Variants in HSPH1 observed in about 807,000 individuals in gnomAD.
The protein encoded by HSPH1 is heat shock protein family H (Hsp110) member 1.
Under a neutral mutation model 100.0 loss-of-function variants are expected in HSPH1, and 40 were observed. That is an observed-to-expected ratio of 0.40 (90% CI 0.31 to 0.52). The LOEUF is 0.52. HSPH1 is among the 20% of genes least tolerant of loss of function. The pLI is 0.54. For missense variants in HSPH1, 876 were observed against 1,015.1 expected, an observed-to-expected ratio of 0.86 and a Z score of 1.86; for synonymous variants, 403 against 344.0, an observed-to-expected ratio of 1.17 and a Z score of -1.90.
At chr13:31,141,989 T>A (rs892183388) in intron 12 of HSPH1, among the ~76,000 whole-genome samples, 2 of 152,082 alleles carry the variant, frequency 1.3e-5, no homozygotes, top group Non-Finnish European at 2.9e-5. Flanking sequence ...GAAGTAAGTA[T>A]CTCCTGTGGC....
In HSPH1 at chr13:31,138,482, G is replaced by A; in HGVS notation, c.2295C>T (p.Val765=). The stretch of plus-strand genomic sequence containing the variant: ...GACTCTTTTTAGCCTGAGCATTCAT[G>A]ACATTATTCATCCATTCCATCACTT... The part of the protein sequence containing the change: ...VNEVMEWMNN[V]MNAQAKKSLD... The change falls in exon 17 of 18, where the codon GTC becomes GTT. Residue 765 remains valine (V), a synonymous_variant. Coordinates refer to ENST00000320027, the MANE Select transcript of HSPH1 (RefSeq NM_006644.4). 1.2e-6 allele frequency: 2 copies of A among 1,613,080 alleles called. No individual in the cohort carries two copies. The highest frequency in any genetic ancestry group is 8.5e-7 in the Non-Finnish European group (1 of 1,179,202).
At chr13:31,162,327 G>T (rs1283776973), upstream of HSPH1, 2 of 581,026 alleles carry the variant, frequency 3.4e-6, no homozygotes, top group Admixed American at 6.0e-5. Context: ...CCGGGATGGT[G>T]GGGAGGCCGG....
At chr13:31,162,080 G>C, upstream of HSPH1, 1 of 1,536,138 alleles carries the variant, frequency 6.5e-7, no homozygotes. Context: ...CCCGGAGAAC[G>C]GCCGCCGTTG....
intron 4 of HSPH1, among the ~76,000 whole-genome samples, chr13:31,153,450 A>G (rs980284821): frequency 1.3e-5 from 2 of 152,204 alleles, no homozygotes; most frequent in Admixed American, 6.5e-5. Context: ...GTGCTCTTTA[A>G]TTCAGTCAAC....
chr13:31,151,671 C>G lies in HSPH1; in HGVS notation c.601G>C (p.Val201Leu). 4.3e-6 allele frequency: 7 copies of G among 1,613,098 alleles called. No individual in the cohort carries two copies. Among genetic ancestry groups the G allele is most frequent in the Non-Finnish European group, 5.9e-6 (7 of 1,179,500 alleles). ...TGAAAAGCTGAATGTCCCATATCAA[C>G]AAAAACCACTATCCGAGGTTTCTCA... is the stretch of plus-strand genomic sequence containing the variant. ...LDEKPRIVVF[V>L]DMGHSAFQVS... Residue 201 changes from valine to leucine, a missense_variant, in exon 6 of 18, where the codon GTT (valine) becomes CTT (leucine). Coordinates refer to ENST00000320027, the MANE Select transcript of HSPH1 (RefSeq NM_006644.4).
At chr13:31,140,047 T>G in intron 14 of HSPH1, 137 bp downstream of exon 14, 1 of 818,342 alleles carries the variant, frequency 1.2e-6, no homozygotes, top group Non-Finnish European at 1.9e-6. Context: ...CAACAAGCCT[T>G]TCTCCATAAC....
rs1219490859 is a variant in HSPH1, at chr13:31,150,080, T to C, written c.1011A>G (p.Ala337=). The C allele has an allele frequency of 6.2e-7, 1 of 1,613,810 alleles. No individual in the cohort carries two copies. Among genetic ancestry groups the C allele is most frequent in the Admixed American group, 1.7e-5 (1 of 59,990 alleles). The part of the protein sequence containing the change: ...QTHLKVEDVS[A]VEIVGGATRI... The stretch of plus-strand genomic sequence containing the variant: ...GTGTAGCGCCTCCAACAATCTCAAC[T>C]GCACTCACATCTTCTACTTTGAGAT... The change falls in exon 8 of 18, where the codon GCA becomes GCG. Residue 337 remains alanine, a synonymous_variant. Coordinates refer to ENST00000320027, the MANE Select transcript of HSPH1 (RefSeq NM_006644.4).
upstream of HSPH1, chr13:31,161,993 C>A: frequency 1.3e-6 from 2 of 1,536,144 alleles, no homozygotes; most frequent in Non-Finnish European, 1.7e-6. Context: ...GGCGCCTCCA[C>A]CGGCCCCTCC....
At chr13:31,153,256 T>C (rs1956552347) in intron 4 of HSPH1, among the ~76,000 whole-genome samples, 1 of 152,166 alleles carries the variant, frequency 6.6e-6, no homozygotes, top group Admixed American at 6.5e-5. Context: ...AAGAGAAAAC[T>C]TGAAATTAAA....
chr13:31,147,112 C>A (rs1593192862), intron 10 of HSPH1, among the ~76,000 whole-genome samples: 1 of 152,098 alleles, frequency 6.6e-6, no homozygotes, highest in Admixed American at 6.5e-5. Context: ...TTCAATCAAA[C>A]ATGAAAAATT....
intron 7 of HSPH1, 147 bp downstream of exon 7, chr13:31,150,800 T>C (rs1807561826): frequency 2.7e-6 from 2 of 744,192 alleles, no homozygotes; most frequent in Non-Finnish European, 2.1e-6. Context: ...GAGCTAGTGG[T>C]GATAAACAAC....
chr13:31,161,548 C>T lies in HSPH1; in HGVS notation c.35G>A (p.Ser12Asn). ...GGCCCGGGCTACCGCGATGTAGCAG[C>T]TCTGCGAGCCCACGTCCAACCCCAC... ...SVVGLDVGSQSCYIAVARAGG... is the reference protein window; with the variant it reads ...SVVGLDVGSQNCYIAVARAGG... Residue 12 changes from serine to asparagine, a missense_variant, in exon 1 of 18, where the codon AGC (serine) becomes AAC (asparagine). Coordinates refer to ENST00000320027, the MANE Select transcript of HSPH1 (RefSeq NM_006644.4). 2 of 1,613,932 alleles carry T rather than the reference C, an allele frequency of 1.2e-6. No homozygotes were observed. Among genetic ancestry groups the T allele is most frequent in the Admixed American group, 1.7e-5 (1 of 60,028 alleles).
At chr13:31,141,062 A>G (rs549471526) in intron 13 of HSPH1, 60 bp downstream of exon 13, 5 of 1,047,302 alleles carry the variant, frequency 4.8e-6, no homozygotes, top group African/African-American at 3.3e-5. Context: ...AGAAATATAG[A>G]TATCAGGGCC....
In HSPH1 at chr13:31,143,911, G is replaced by T. The variant is rs756900521; in HGVS notation, c.1597C>A (p.Gln533Lys). ...TGTGTTCCAGCTTCACTGTTGTCTT[G>T]CTGGACATTTTTCTGAAATGAAAGC... is the stretch of plus-strand genomic sequence containing the variant. ...ENPDTDKNVQ[Q>K]DNSEAGTQPQ... Residue 533 changes from glutamine (Q) to lysine (K), a missense_variant, in exon 12 of 18, where the codon CAA becomes AAA. Coordinates refer to ENST00000320027, the MANE Select transcript of HSPH1 (RefSeq NM_006644.4). The T allele has an allele frequency of 6.3e-7, 1 of 1,599,350 alleles. No homozygotes were observed. Among genetic ancestry groups the T allele is most frequent in the South Asian group, 1.1e-5 (1 of 88,684 alleles).
intron 2 of HSPH1, among the ~76,000 whole-genome samples, chr13:31,156,867 GT>G (rs1264722157): frequency 6.6e-6 from 1 of 152,120 alleles, no homozygotes; most frequent in Admixed American, 6.5e-5. Context: ...AAAAGATGGT[GT>G]TTTTTTAATC....
At chr13:31,154,945 G>A (rs1174390430) in intron 3 of HSPH1, among the ~76,000 whole-genome samples, 190 bp from the exon 4 acceptor site, 1 of 151,824 alleles carries the variant, frequency 6.6e-6, no homozygotes, top group Non-Finnish European at 1.5e-5. Flanking sequence ...GAAAGGAAAA[G>A]AGAAAAAAAG....
At chr13:31,158,647 G>A (rs1593216721) in intron 2 of HSPH1, among the ~76,000 whole-genome samples, 159 bp downstream of exon 2, 1 of 151,016 alleles carries the variant, frequency 6.6e-6, no homozygotes, top group Non-Finnish European at 1.5e-5. Flanking sequence ...AGGAAAGAGT[G>A]TCATCATCTG....
chr13:31,162,308 C>A (rs182944553), upstream of HSPH1: 1,540 of 592,982 alleles, frequency 2.6e-3, 2 homozygotes, highest in Non-Finnish European at 3.0e-3. Flanking sequence ...TTTGCAGAGA[C>A]CCCAGACACC....
In HSPH1 at chr13:31,135,846, T is replaced by C. The variant is rs1457913498; in HGVS notation, c.*1472A>G. 1.3e-5 allele frequency: 2 copies of C among 152,092 alleles called. No individual in the cohort carries two copies. The highest frequency in any genetic ancestry group is 2.9e-5 in the Non-Finnish European group (2 of 68,024). 9.4% of individuals were successfully genotyped at this position (152,092 alleles called of 1,614,324 possible). A position where few individuals can be genotyped will look rare whatever the true frequency, so the allele number is the denominator to read the frequency against. The stretch of plus-strand genomic sequence containing the variant: ...AAATTGGCTATAGTTCTAAGATTAA[T>C]CCCTTGTGGAAGAGGGAAAGTTGGC... On this transcript the variant is annotated 3_prime_UTR_variant, in exon 18 of 18. Coordinates refer to ENST00000320027, the MANE Select transcript of HSPH1 (RefSeq NM_006644.4).
Sources: gnomAD v4.1 joint callset for allele counts (sites outside exome capture counted in the v4.1 genomes callset) on GRCh38, gnomAD v4.1.1 for gene constraint, MANE v1.5 for transcripts, NCBI Gene and HGNC (gene_info 2026-07-23, HGNC 2026-07-21) for gene names.